The following TMEM74 variants were observed in gnomAD, a reference collection of about 807,000 sequenced individuals.
The protein encoded by TMEM74 is transmembrane protein 74.
A neutral mutation model predicts 18.1 loss-of-function variants in TMEM74; 13 were observed. That is an observed-to-expected ratio of 0.72 (90% CI 0.47 to 1.14). The LOEUF (loss-of-function observed/expected upper bound fraction) is 1.14. Among genes scored for constraint, TMEM74 ranks in the 50% most tolerant of loss-of-function variants. The pLI is 0.00. For synonymous variants in TMEM74, 159 were observed against 146.6 expected, an observed-to-expected ratio of 1.08 and a Z score of -0.61; for missense variants, 372 against 375.9, an observed-to-expected ratio of 0.99 and a Z score of 0.09.
chr8:108,718,947 C>A (rs776815972), intron 1 of TMEM74, among the ~76,000 whole-genome samples: 8 of 149,244 alleles, frequency 5.4e-5, no homozygotes, highest in Non-Finnish European at 1.2e-4. Context: ...AGTTAGATAG[C>A]TAGTTAATAA....
chr8:108,784,733 C>T lies in TMEM74; in HGVS notation c.366G>A (p.Gln122=). Reference sequence around the variant, plus strand: ...TTGCTGATGGCGAGCTCCGGTTCCGCTGCTCCAAGTTGATGTTTTTGTCCA... The same window carrying T: ...TTGCTGATGGCGAGCTCCGGTTCCGTTGCTCCAAGTTGATGTTTTTGTCCA... ...TYVDKNINLE[Q]RNRSSPSAKG... The change falls in exon 2 of 2, where the codon CAG becomes CAA. Residue 122 remains glutamine, a synonymous_variant. Coordinates refer to ENST00000297459, the MANE Select transcript of TMEM74 (RefSeq NM_153015.3). 6.2e-7 allele frequency: 1 copy of T among 1,614,200 alleles called. No individual in the cohort carries two copies. Among genetic ancestry groups the T allele is most frequent in the Non-Finnish European group, 8.5e-7 (1 of 1,180,036 alleles).
At chr8:108,618,906 T>C (rs900344896) in intron 2 of TMEM74, among the ~76,000 whole-genome samples, 23 of 152,278 alleles carry the variant, frequency 1.5e-4, no homozygotes, top group Admixed American at 2.6e-4. Context: ...CATTGCCCAG[T>C]ACTTGTTAGG....
chr8:108,715,094 G>A (rs1813510071), intron 1 of TMEM74, among the ~76,000 whole-genome samples: 1 of 152,014 alleles, frequency 6.6e-6, no homozygotes, highest in African/African-American at 2.4e-5. Flanking sequence ...TTTGTAGAAT[G>A]TGTTTCTATC....
At chr8:108,774,095 A>C (rs949053732), downstream of TMEM74, among the ~76,000 whole-genome samples, 13 of 152,230 alleles carry the variant, frequency 8.5e-5, no homozygotes, top group African/African-American at 2.9e-4. Context: ...AGTGAACTAG[A>C]GGGAGATTTT....
downstream of TMEM74, among the ~76,000 whole-genome samples, chr8:108,774,203 C>T (rs1281315915): frequency 6.6e-6 from 1 of 152,182 alleles, no homozygotes; most frequent in Admixed American, 6.5e-5. Context: ...GCTAGCTGTT[C>T]AAACCCATTT....
At chr8:108,629,410 T>G (rs1213184893) in intron 2 of TMEM74, among the ~76,000 whole-genome samples, 3 of 152,034 alleles carry the variant, frequency 2.0e-5, no homozygotes, top group Non-Finnish European at 4.4e-5. Flanking sequence ...AAAACACACT[T>G]CAGGATATTA....
chr8:108,761,745 G>T (rs983575677), intron 1 of TMEM74, among the ~76,000 whole-genome samples: 1 of 152,078 alleles, frequency 6.6e-6, no homozygotes, highest in Non-Finnish European at 1.5e-5. Context: ...TAGTCCTTGC[G>T]TGAGGACATT....
intron 2 of TMEM74, among the ~76,000 whole-genome samples, chr8:108,632,132 C>T (rs1237913416): frequency 6.6e-6 from 1 of 151,902 alleles, no homozygotes; most frequent in Non-Finnish European, 1.5e-5. Flanking sequence ...GGACGTTATC[C>T]CAGCCTAGAG....
intron 1 of TMEM74, among the ~76,000 whole-genome samples, chr8:108,736,987 T>C (rs2130643341): frequency 6.6e-6 from 1 of 152,286 alleles, no homozygotes; most frequent in South Asian, 2.1e-4. Flanking sequence ...TGTTTCAAAC[T>C]ATTCCTCAAA....
At chr8:108,742,480 CTG>C (rs1004946665) in intron 1 of TMEM74, among the ~76,000 whole-genome samples, 4 of 152,198 alleles carry the variant, frequency 2.6e-5, no homozygotes, top group Non-Finnish European at 5.9e-5. Flanking sequence ...GTTCTCAACA[CTG>C]TGGCTACATT....
intron 1 of TMEM74, among the ~76,000 whole-genome samples, chr8:108,682,437 A>C (rs1217730250): frequency 6.6e-6 from 1 of 152,046 alleles, no homozygotes; most frequent in Non-Finnish European, 1.5e-5. Flanking sequence ...AGAACAACAA[A>C]AATATTAACC....
intron 1 of TMEM74, among the ~76,000 whole-genome samples, chr8:108,734,212 T>A (rs972161761): frequency 6.6e-6 from 1 of 152,074 alleles, no homozygotes; most frequent in Non-Finnish European, 1.5e-5. Flanking sequence ...TCGGACACAC[T>A]TTTCCCGCCC....
chr8:108,689,922 T>G lies in TMEM74; in HGVS notation n.120-34485A>C, dbSNP rs1264800964. Among the ~76,000 whole-genome samples the G allele has an allele frequency of 3.9e-5, 6 of 152,198 alleles. No individual in the cohort carries two copies. The East Asian group carries it at 1.2e-3, about 29-fold the overall frequency. On this transcript the variant is annotated intron_variant and non_coding_transcript_variant, in intron 1 of 3. Transcript: ENST00000518838. ...CAGTATTGTTTTTCTCTTATGCAGATAACAGACCAATGGCTCCAATTTTTA... is the reference window on the plus strand; with the variant it reads ...CAGTATTGTTTTTCTCTTATGCAGAGAACAGACCAATGGCTCCAATTTTTA...
chr8:108,757,416 T>C (rs1262126070), intron 1 of TMEM74, among the ~76,000 whole-genome samples: 1 of 152,108 alleles, frequency 6.6e-6, no homozygotes, highest in Admixed American at 6.6e-5. Flanking sequence ...TCAATATTTA[T>C]CTCCACACAG....
At position 108,784,510 on chromosome 8, in the gene TMEM74, T is replaced by C. The variant is rs1434744832; in HGVS notation, c.589A>G (p.Ile197Val). The change falls in exon 2 of 2, where the codon ATC (isoleucine) becomes GTC (valine). Residue 197 changes from isoleucine to valine, a missense_variant. Coordinates refer to ENST00000297459, the MANE Select transcript of TMEM74 (RefSeq NM_153015.3). The part of the protein sequence containing the change: ...TGILLVIISY[I>V]VPREVTVDPN... The stretch of plus-strand genomic sequence containing the variant: ...TCCACAGTCACTTCCCGTGGGACGA[T>C]GTAAGAGATGATCACGAGCAGGATC... 2 of 1,613,964 alleles carry C rather than the reference T, an allele frequency of 1.2e-6. No homozygotes were observed. The highest frequency in any genetic ancestry group is 1.7e-5 in the Admixed American group (1 of 59,996).
At chr8:108,616,618 C>A (rs1812386517) in intron 2 of TMEM74, among the ~76,000 whole-genome samples, 1 of 152,022 alleles carries the variant, frequency 6.6e-6, no homozygotes, top group Admixed American at 6.6e-5. Flanking sequence ...TTTCTGTTTC[C>A]ACTTAACAAG....
intron 1 of TMEM74, among the ~76,000 whole-genome samples, chr8:108,670,762 C>G (rs1812997103): frequency 6.6e-6 from 1 of 151,842 alleles, no homozygotes; most frequent in African/African-American, 2.4e-5. Flanking sequence ...CCCATGTTCA[C>G]CGTAATATTA....
In TMEM74 at chr8:108,686,195, A is replaced by G. The variant is rs371538618; in HGVS notation, n.120-30758T>C. On this transcript the variant is annotated intron_variant and non_coding_transcript_variant, in intron 1 of 3. Transcript: ENST00000518838. ...CGTAAGTTGGGAAGTTTTGTTTTAT[A>G]CTTCTTTTTTTGTTTTGTTTTGAGA... 2.3e-4 allele frequency among the ~76,000 whole-genome samples: 35 copies of G among 152,098 alleles called. No homozygotes were observed. The Middle Eastern group carries it at 0.01, about 44-fold the overall frequency.
At chr8:108,758,023 C>G (rs763356857) in intron 1 of TMEM74, among the ~76,000 whole-genome samples, 7 of 151,954 alleles carry the variant, frequency 4.6e-5, no homozygotes, top group Non-Finnish European at 8.8e-5. Flanking sequence ...ACCTTTCAGA[C>G]AGTTATGCAG....
Sources: gnomAD v4.1 joint callset for allele counts (sites outside exome capture counted in the v4.1 genomes callset) on GRCh38, gnomAD v4.1.1 for gene constraint, MANE v1.5 for transcripts, NCBI Gene and HGNC (gene_info 2026-07-23, HGNC 2026-07-21) for gene names.